TENM3: variants seen among roughly 807,000 people sequenced by gnomAD.
TENM3 encodes the protein teneurin transmembrane protein 3.
Under a neutral mutation model 255.1 loss-of-function variants are expected in TENM3, and 63 were observed. The ratio of observed to expected loss-of-function variants is 0.25; its 90% confidence interval spans 0.20 to 0.30. TENM3 has a LOEUF of 0.30. Ranked by LOEUF, TENM3 falls within the 10% of genes least tolerant of loss-of-function variation. The pLI, the probability that TENM3 is intolerant of heterozygous loss-of-function variation, is 1.00. For missense variants in TENM3, 2,929 were observed against 3,461.1 expected (o/e 0.85, Z 3.86); for synonymous variants, 1,306 against 1,322.3 (o/e 0.99, Z 0.27).
the TENM3 span, among the ~76,000 whole-genome samples, chr4:181,862,244 CTT>C: frequency 6.6e-6 from 1 of 152,028 alleles, no homozygotes; most frequent in Non-Finnish European, 1.5e-5. Flanking sequence ...CACACACACA[CTT>C]TTCTACAAAT....
intron 3 of TENM3, among the ~76,000 whole-genome samples, chr4:182,392,415 A>G (rs780162410): frequency 7.9e-5 from 12 of 152,190 alleles, no homozygotes; most frequent in African/African-American, 2.9e-4. Context: ...GTAAGCTCAC[A>G]CCCCAGTGTA....
chr4:181,521,172 G>T, the TENM3 span, among the ~76,000 whole-genome samples: 2 of 152,204 alleles, frequency 1.3e-5, no homozygotes, highest in African/African-American at 4.8e-5. Context: ...CTTTACATCT[G>T]AGACCCTGGC....
chr4:181,860,531 T>A, the TENM3 span, among the ~76,000 whole-genome samples: 1 of 152,206 alleles, frequency 6.6e-6, no homozygotes, highest in Non-Finnish European at 1.5e-5. Flanking sequence ...ATTTCAGAAA[T>A]ACACATGGTT....
chr4:181,883,868 G>A, the TENM3 span, among the ~76,000 whole-genome samples: 11 of 152,308 alleles, frequency 7.2e-5, no homozygotes, highest in Non-Finnish European at 8.8e-5. Flanking sequence ...CCAATCCTAA[G>A]ATGGGTCTGG....
At chr4:182,108,097 A>G in the TENM3 span, among the ~76,000 whole-genome samples, 1 of 152,092 alleles carries the variant, frequency 6.6e-6, no homozygotes, top group East Asian at 1.9e-4. Flanking sequence ...TTCAGTCTCC[A>G]CTTAGACTTG....
chr4:181,734,391 T>C, the TENM3 span, among the ~76,000 whole-genome samples: 7 of 152,226 alleles, frequency 4.6e-5, no homozygotes, highest in African/African-American at 1.7e-4. Flanking sequence ...AATAAATACG[T>C]GTGTGAATGA....
upstream of TENM3, among the ~76,000 whole-genome samples, chr4:182,242,197 A>G (rs1048363216): frequency 8.6e-5 from 13 of 151,730 alleles, no homozygotes; most frequent in Admixed American, 2.6e-4. Context: ...TCCTAATGCT[A>G]TCCCTCCCCA....
At chr4:181,685,014 C>T in the TENM3 span, among the ~76,000 whole-genome samples, 4,873 of 150,454 alleles carry the variant, frequency 0.032, 247 homozygotes, top group African/African-American at 0.11. Context: ...GATCCTCCCA[C>T]CACCCTCCCA....
intron 1 of TENM3, among the ~76,000 whole-genome samples, chr4:182,260,494 T>C (rs1044941256): frequency 2.0e-5 from 3 of 152,344 alleles, no homozygotes; most frequent in Admixed American, 2.0e-4. Context: ...AATAACCTAC[T>C]GTAGTAAATT....
intron 3 of TENM3, among the ~76,000 whole-genome samples, chr4:182,573,708 A>G (rs898592667): frequency 6.6e-6 from 1 of 152,222 alleles, no homozygotes; most frequent in African/African-American, 2.4e-5. Flanking sequence ...AGAAAAGGGA[A>G]TACTGAAGCT....
the TENM3 span, among the ~76,000 whole-genome samples, chr4:181,553,588 C>T: frequency 6.6e-6 from 1 of 151,940 alleles, no homozygotes; most frequent in South Asian, 2.1e-4. Context: ...ACTACGGGTG[C>T]CTGCCACCAC....
At chr4:181,533,955 G>T in the TENM3 span, among the ~76,000 whole-genome samples, 1 of 152,028 alleles carries the variant, frequency 6.6e-6, no homozygotes, top group Non-Finnish European at 1.5e-5. Context: ...CACACCTCTG[G>T]AACACAATTA....
intron 3 of TENM3, among the ~76,000 whole-genome samples, chr4:182,418,080 T>C (rs1048821860): frequency 1.3e-5 from 2 of 152,188 alleles, no homozygotes; most frequent in African/African-American, 2.4e-5. Context: ...GTGCAGGTGC[T>C]AACATAAAAA....
chr4:182,353,397 A>G (rs1253168505), intron 3 of TENM3, among the ~76,000 whole-genome samples: 4 of 152,146 alleles, frequency 2.6e-5, no homozygotes, highest in Admixed American at 2.0e-4. Context: ...CCTGTGATAA[A>G]TTATATTTTA....
chr4:182,100,726 C>CAT, the TENM3 span, among the ~76,000 whole-genome samples: 6 of 93,874 alleles, frequency 6.4e-5, no homozygotes, highest in African/African-American at 2.3e-4. Flanking sequence ...TATATACACA[C>CAT]ATATATACAC....
At chr4:182,026,841 C>A in the TENM3 span, among the ~76,000 whole-genome samples, 2 of 152,054 alleles carry the variant, frequency 1.3e-5, no homozygotes, top group Non-Finnish European at 2.9e-5. Flanking sequence ...TATGCCAGTA[C>A]CATGCTGTTT....
chr4:181,687,325 C>T, the TENM3 span, among the ~76,000 whole-genome samples: 1 of 152,134 alleles, frequency 6.6e-6, no homozygotes, highest in Non-Finnish European at 1.5e-5. Flanking sequence ...AATGACTAAT[C>T]CGTTAGGTAT....
chr4:181,609,592 C>T, the TENM3 span, among the ~76,000 whole-genome samples: 6 of 152,166 alleles, frequency 3.9e-5, no homozygotes, highest in East Asian at 1.9e-4. Flanking sequence ...TCTGCTTCTC[C>T]GTGCTTCGTT....
the TENM3 span, among the ~76,000 whole-genome samples, chr4:181,676,809 G>T: frequency 3.9e-5 from 6 of 152,016 alleles, no homozygotes; most frequent in Non-Finnish European, 7.4e-5. Flanking sequence ...AGCCCAAAAT[G>T]ATTCACTTTG....
Sources: gnomAD v4.1 joint callset for allele counts (sites outside exome capture counted in the v4.1 genomes callset) on GRCh38, gnomAD v4.1.1 for gene constraint, MANE v1.5 for transcripts, NCBI Gene and HGNC (gene_info 2026-07-23, HGNC 2026-07-21) for gene names.